Variants in NLGN1 observed in about 807,000 individuals in gnomAD.
NLGN1 encodes neuroligin-1.
In NLGN1, 12 loss-of-function variants were observed where a neutral mutation model predicts 65.5. The ratio of observed to expected loss-of-function variants is 0.18; its 90% CI spans 0.12 to 0.30. The LOEUF (loss-of-function observed/expected upper bound fraction) is 0.30. Ranked by LOEUF, NLGN1 falls within the 10% of genes least tolerant of loss-of-function variation. The pLI is 1.00. For synonymous variants in NLGN1, 350 were observed against 359.5 expected, an observed-to-expected ratio of 0.97 and a Z score of 0.30; for missense variants, 750 against 1,007.1, an observed-to-expected ratio of 0.74 and a Z score of 3.46.
intron 2 of NLGN1, among the ~76,000 whole-genome samples, chr3:173,577,749 C>T (rs760407499): frequency 6.6e-6 from 1 of 152,162 alleles, no homozygotes; most frequent in African/African-American, 2.4e-5. Context: ...ACCAAACACA[C>T]ATGATCTTAG....
intron 1 of NLGN1, among the ~76,000 whole-genome samples, chr3:173,415,816 C>T (rs1169808660): frequency 6.6e-6 from 1 of 151,680 alleles, no homozygotes; most frequent in Non-Finnish European, 1.5e-5. Context: ...GTTATTTAGT[C>T]TCTCTATGCT....
intron 3 of NLGN1, among the ~76,000 whole-genome samples, chr3:173,697,461 TA>T (rs1766391982): frequency 6.6e-6 from 1 of 152,190 alleles, no homozygotes; most frequent in South Asian, 2.1e-4. Context: ...AAAGGATTTT[TA>T]AAAACATTAA....
chr3:173,861,665 C>T (rs1208114197), intron 4 of NLGN1, among the ~76,000 whole-genome samples: 1 of 150,826 alleles, frequency 6.6e-6, no homozygotes, highest in Non-Finnish European at 1.5e-5. Flanking sequence ...AAATGATTAC[C>T]AATAGAACAA....
chr3:173,818,195 T>C (rs1048220268), intron 4 of NLGN1, among the ~76,000 whole-genome samples: 1 of 152,174 alleles, frequency 6.6e-6, no homozygotes, highest in African/African-American at 2.4e-5. Flanking sequence ...GCCTCAATCC[T>C]TCCTCTCTGG....
At chr3:173,523,139 G>A (rs201829709) in intron 2 of NLGN1, among the ~76,000 whole-genome samples, 6 of 92,580 alleles carry the variant, frequency 6.5e-5, no homozygotes, top group African/African-American at 2.2e-4. Context: ...TTTTGTTGTT[G>A]TTATTGAGAT....
At chr3:173,535,753 A>C (rs1225836525) in intron 2 of NLGN1, among the ~76,000 whole-genome samples, 1 of 152,198 alleles carries the variant, frequency 6.6e-6, no homozygotes, top group Non-Finnish European at 1.5e-5. Flanking sequence ...ATTCAGTACC[A>C]TTGCAAGCCT....
intron 4 of NLGN1, among the ~76,000 whole-genome samples, chr3:173,878,560 C>A (rs1732598720): frequency 6.6e-6 from 1 of 151,178 alleles, no homozygotes; most frequent in African/African-American, 2.4e-5. Context: ...TGTACAAATT[C>A]TTGTGTCATT....
intron 4 of NLGN1, among the ~76,000 whole-genome samples, chr3:173,966,122 GTAA>G (rs1381550877): frequency 1.3e-5 from 2 of 152,042 alleles, no homozygotes; most frequent in African/African-American, 4.8e-5. Context: ...TATTATTTCC[GTAA>G]TAATTTGGTT....
intron 4 of NLGN1, among the ~76,000 whole-genome samples, chr3:173,811,588 A>G (rs1717952197): frequency 6.7e-6 from 1 of 150,108 alleles, no homozygotes; most frequent in African/African-American, 2.4e-5. Flanking sequence ...AAAAAAAAGG[A>G]AGAAAAGAAG....
In NLGN1 at chr3:173,559,301, A is replaced by G. The variant is rs553506989; in HGVS notation, c.-320-44978A>G. ...TAGCATATGAGTCTCTTTCTGATCT[A>G]CATACAGTCTACCTACTCTGCGCTG... is the stretch of plus-strand genomic sequence containing the variant. On this transcript the variant is annotated intron_variant, in intron 2 of 6. Coordinates refer to ENST00000457714, the Ensembl canonical transcript of NLGN1. 6.6e-5 allele frequency among the ~76,000 whole-genome samples: 10 copies of G among 152,334 alleles called. No individual in the cohort carries two copies. In the East Asian group the frequency reaches 1.9e-3, roughly 29 times the overall value.
At chr3:173,501,769 CAT>C (rs1204674966) in intron 2 of NLGN1, among the ~76,000 whole-genome samples, 1 of 151,630 alleles carries the variant, frequency 6.6e-6, no homozygotes, top group African/African-American at 2.4e-5. Context: ...AAAAACATCT[CAT>C]AGTGTAAAGA....
chr3:173,950,024 T>C (rs1747903103), intron 4 of NLGN1, among the ~76,000 whole-genome samples: 1 of 152,182 alleles, frequency 6.6e-6, no homozygotes, highest in Non-Finnish European at 1.5e-5. Flanking sequence ...TAAACAAACA[T>C]TGGGACCACA....
chr3:173,726,875 A>G (rs1403461421), intron 3 of NLGN1, among the ~76,000 whole-genome samples: 1 of 151,746 alleles, frequency 6.6e-6, no homozygotes, highest in Non-Finnish European at 1.5e-5. Context: ...AACAGGGAGT[A>G]GAGATAATAA....
intron 4 of NLGN1, among the ~76,000 whole-genome samples, chr3:174,159,186 A>G (rs893452761): frequency 2.6e-5 from 4 of 151,674 alleles, no homozygotes; most frequent in Admixed American, 1.3e-4. Flanking sequence ...AAGCAAGACT[A>G]CTTACTCTGA....
At chr3:173,882,775 G>A (rs980637704) in intron 4 of NLGN1, among the ~76,000 whole-genome samples, 3 of 152,216 alleles carry the variant, frequency 2.0e-5, no homozygotes, top group African/African-American at 7.2e-5. Context: ...TACTATAGTA[G>A]CACTTTCAAT....
chr3:173,893,755 C>T (rs1272190309), intron 4 of NLGN1, among the ~76,000 whole-genome samples: 1 of 152,120 alleles, frequency 6.6e-6, no homozygotes, highest in Non-Finnish European at 1.5e-5. Context: ...CTTTGTCCTT[C>T]GTGTTGCCCC....
At chr3:173,495,587 C>A (rs1729875974) in intron 2 of NLGN1, among the ~76,000 whole-genome samples, 1 of 150,184 alleles carries the variant, frequency 6.7e-6, no homozygotes, top group South Asian at 2.1e-4. Context: ...CAATATTTGA[C>A]CATTAAGTTA....
intron 4 of NLGN1, among the ~76,000 whole-genome samples, chr3:174,071,144 T>G (rs1739764337): frequency 6.6e-6 from 1 of 152,136 alleles, no homozygotes; most frequent in South Asian, 2.1e-4. Flanking sequence ...CTCCGAAATT[T>G]TTTGGTGACC....
intron 4 of NLGN1, among the ~76,000 whole-genome samples, chr3:173,982,293 G>T (rs978635460): frequency 6.6e-6 from 1 of 151,888 alleles, no homozygotes; most frequent in Non-Finnish European, 1.5e-5. Flanking sequence ...AAACATACCA[G>T]GAAGCTTTAT....
Sources: allele counts gnomAD v4.1 joint callset (sites outside exome capture counted in the v4.1 genomes callset), GRCh38; gene constraint gnomAD v4.1.1; transcripts MANE v1.5; gene names NCBI Gene and HGNC (gene_info 2026-07-23, HGNC 2026-07-21).